FGR: variants seen among roughly 807,000 people sequenced by gnomAD.
FGR encodes tyrosine-protein kinase Fgr.
In FGR, 26 loss-of-function variants were observed where a neutral mutation model predicts 63.2. The observed-to-expected ratio is 0.41, with a 90% CI of 0.30 to 0.57. FGR has a LOEUF of 0.57. Ranked by LOEUF, FGR falls within the 20% of genes least tolerant of loss-of-function variation. The pLI, the probability that FGR is intolerant of heterozygous loss-of-function variation, is 0.27. For synonymous variants in FGR, 286 were observed against 277.7 expected (o/e 1.03, Z -0.30); for missense variants, 511 against 690.8 (o/e 0.74, Z 2.92).
chr1:27,616,821 T>C lies in FGR; in HGVS notation c.682+36A>G. 1 of 1,608,668 alleles carries C rather than the reference T, an allele frequency of 6.2e-7. No homozygotes were observed. The highest frequency in any genetic ancestry group is 8.5e-7 in the Non-Finnish European group (1 of 1,175,160). ...TTCCCCCATCTGGACAATGCTTCAG[T>C]TGGTTGGTTCAGGGATCTGAGGCCC... On this transcript the variant is annotated intron_variant, in intron 7 of 12. Coordinates refer to ENST00000374005, the MANE Select transcript of FGR (RefSeq NM_005248.3). The surrounding 1 kb of genome is among the most constrained non-coding windows in gnomAD (Gnocchi z 4.3).
chr1:27,620,307 ACT>A (rs2089897673), intron 5 of FGR, among the ~76,000 whole-genome samples: 1 of 151,840 alleles, frequency 6.6e-6, no homozygotes, highest in Admixed American at 6.6e-5. Context: ...ACAGAGCAAG[ACT>A]CTGTCTAAAA....
intron 1 of FGR, among the ~76,000 whole-genome samples, 159 bp downstream of exon 1, chr1:27,634,906 T>C (rs896313404): frequency 2.6e-5 from 4 of 152,158 alleles, no homozygotes; most frequent in African/African-American, 9.7e-5. Context: ...TCCTTAGGCC[T>C]TTTCGGGCTG....
intron 11 of FGR, 52 bp from the exon 12 acceptor site, chr1:27,613,402 G>T: frequency 6.3e-7 from 1 of 1,598,996 alleles, no homozygotes. Context: ...CCTGGAAACA[G>T]CTGGATTAAG....
chr1:27,629,744 A>T (rs2090077108), intron 1 of FGR, among the ~76,000 whole-genome samples: 1 of 152,238 alleles, frequency 6.6e-6, no homozygotes, highest in African/African-American at 2.4e-5. Flanking sequence ...AGTAACTCCC[A>T]GTCATGGTCT....
intron 1 of FGR, among the ~76,000 whole-genome samples, chr1:27,633,338 C>A (rs1365909596): frequency 6.6e-6 from 1 of 152,216 alleles, no homozygotes; most frequent in Non-Finnish European, 1.5e-5. Context: ...GCTCTCCCAT[C>A]ATCACCACAG....
At chr1:27,614,790 G>A (rs2089770185) in intron 10 of FGR, 60 bp downstream of exon 10, 2 of 1,491,688 alleles carry the variant, frequency 1.3e-6, no homozygotes, top group African/African-American at 1.4e-5. Context: ...AAGGGACAGA[G>A]AATTTGTGAA....
At chr1:27,614,977 C>G (rs1257445227) in intron 9 of FGR, 51 bp from the exon 10 acceptor site, 1 of 1,452,580 alleles carries the variant, frequency 6.9e-7, no homozygotes, top group Non-Finnish European at 9.5e-7. Context: ...GGGCCCCAGC[C>G]CCTCCTCCTC....
At chr1:27,634,458 G>T (rs985034589) in intron 1 of FGR, among the ~76,000 whole-genome samples, 3 of 152,210 alleles carry the variant, frequency 2.0e-5, no homozygotes, top group Non-Finnish European at 4.4e-5. Flanking sequence ...CCGCGGTCGC[G>T]GCCGCTAACG....
Position 27,621,683 on chromosome 1 carries a change from C to A in FGR, c.330-26G>T, listed in dbSNP as rs2089929925. On this transcript the variant is annotated intron_variant, in intron 4 of 12. Transcript: ENST00000374005. ...CTGTAGGCACAGAACAGGGCATGGTCAGCAGCACCTCCAGCCCCCAAGGCA... is the reference window on the plus strand; with the variant it reads ...CTGTAGGCACAGAACAGGGCATGGTAAGCAGCACCTCCAGCCCCCAAGGCA... The A allele has an allele frequency of 3.2e-6, 5 of 1,566,440 alleles. No individual in the cohort carries two copies. The South Asian group carries it at 3.3e-5, about 10-fold the overall frequency.
At chr1:27,613,783 T>C (rs1428454201) in intron 11 of FGR, among the ~76,000 whole-genome samples, 1 of 151,546 alleles carries the variant, frequency 6.6e-6, no homozygotes, top group African/African-American at 2.4e-5. Context: ...CAAGGGTCTC[T>C]GGGCATAGTA....
chr1:27,632,746 G>A (rs768964581), intron 1 of FGR, among the ~76,000 whole-genome samples: 8 of 151,952 alleles, frequency 5.3e-5, no homozygotes, highest in Non-Finnish European at 8.8e-5. Flanking sequence ...CCATGGCGGC[G>A]GGGGGCGGGG....
chr1:27,623,939 G>A lies in FGR; in HGVS notation c.-13-10C>T, dbSNP rs1416090857. On this transcript the variant is annotated splice_polypyrimidine_tract_variant and intron_variant, in intron 2 of 12. Transcript: ENST00000374005. Reference sequence around the variant, plus strand: ...CATTCCAGGTTCCCTGCTACAGAATGGGGCATGCCTCACTCAAGGACCCCT... The same window carrying A: ...CATTCCAGGTTCCCTGCTACAGAATAGGGCATGCCTCACTCAAGGACCCCT... The A allele has an allele frequency of 2.6e-6, 4 of 1,562,248 alleles. No individual in the cohort carries two copies. Among genetic ancestry groups the A allele is most frequent in the Non-Finnish European group, 3.5e-6 (4 of 1,152,208 alleles).
chr1:27,612,494 A>G lies in FGR; in HGVS notation c.*420T>C, dbSNP rs191541855. On this transcript the variant is annotated 3_prime_UTR_variant, in exon 13 of 13. Coordinates refer to ENST00000374005, the MANE Select transcript of FGR (RefSeq NM_005248.3). ...TCCTGACTTTGTAACTTACAGACAC[A>G]AGAGAATAGAGGGTAGAAGGGAAAT... The G allele has an allele frequency of 1.2e-4, 20 of 169,302 alleles. No individual in the cohort carries two copies. The highest frequency in any genetic ancestry group is 1.7e-4 in the Admixed American group (3 of 17,694). The allele number at this position is 169,302 out of a possible 1,614,324, so 10.5% of individuals were successfully genotyped here.
chr1:27,615,266 C>T lies in FGR; in HGVS notation c.1018+168G>A, dbSNP rs948935261. 7.2e-5 allele frequency among the ~76,000 whole-genome samples: 11 copies of T among 152,226 alleles called. No homozygotes were observed. The highest frequency in any genetic ancestry group is 2.4e-4 in the African/African-American group (10 of 41,508). The stretch of plus-strand genomic sequence containing the variant: ...TCCCCAGCTCCCTAGTGGTCTCACT[C>T]GGCCCGGCTCCCACCTCAGCCCTCC... On this transcript the variant is annotated intron_variant, in intron 9 of 12. Coordinates refer to ENST00000374005, the MANE Select transcript of FGR (RefSeq NM_005248.3). The surrounding 1 kb of genome is among the most constrained non-coding windows in gnomAD (Gnocchi z 7.6).
At chr1:27,630,304 C>T (rs576486301) in intron 1 of FGR, among the ~76,000 whole-genome samples, 5 of 152,302 alleles carry the variant, frequency 3.3e-5, no homozygotes, top group South Asian at 2.1e-4. Flanking sequence ...CTGCCCGCCT[C>T]GGCCTCCCAA....
At chr1:27,624,103 T>C in intron 2 of FGR, 174 bp from the exon 3 acceptor site, 1 of 570,314 alleles carries the variant, frequency 1.8e-6, no homozygotes, top group Non-Finnish European at 3.1e-6. Flanking sequence ...TACTGTACCG[T>C]TCAGTCTGCC....
intron 1 of FGR, among the ~76,000 whole-genome samples, chr1:27,633,392 C>T (rs1571412296): frequency 1.3e-5 from 2 of 152,278 alleles, no homozygotes; most frequent in East Asian, 1.9e-4. Context: ...GAGTACACAC[C>T]CGAGGGGCGG....
rs201423045 is a variant in FGR, at chr1:27,613,100, C to T, written c.1404G>A (p.Leu468=). 2.7e-5 allele frequency: 44 copies of T among 1,614,038 alleles called. No homozygotes were observed. Among genetic ancestry groups the T allele is most frequent in the Non-Finnish European group, 3.7e-5 (44 of 1,180,014 alleles). ...TGTGGTAGCCCTGCTCCACCTGTTC[C>T]AACACTTCCCGTTTATTCATGCCTG... ...PYPGMNKREV[L]EQVEQGYHMP... is the part of the protein sequence containing the mutation. The change falls in exon 13 of 13, where the codon TTG becomes TTA. Residue 468 remains leucine (L), a synonymous_variant. Transcript: ENST00000374005.
At chr1:27,618,605 C>T (rs1460120789) in intron 5 of FGR, among the ~76,000 whole-genome samples, 6 of 152,106 alleles carry the variant, frequency 3.9e-5, no homozygotes, top group African/African-American at 1.2e-4. Context: ...CATAATTGTC[C>T]GTCCTCTTCT....
Sources: gnomAD v4.1 joint callset for allele counts (sites outside exome capture counted in the v4.1 genomes callset) on GRCh38, gnomAD v4.1.1 for gene constraint, Gnocchi (gnomAD v3.1) non-coding constraint, MANE v1.5 for transcripts, NCBI Gene and HGNC (gene_info 2026-07-23, HGNC 2026-07-21) for gene names.